Variants in MICU2 observed in about 807,000 individuals in gnomAD.
The protein encoded by MICU2 is calcium uptake protein 2, mitochondrial.
In MICU2, 64 loss-of-function variants were observed where a neutral mutation model predicts 60.4. The observed-to-expected ratio is 1.06, with a 90% CI of 0.87 to 1.31. The LOEUF (loss-of-function observed/expected upper bound fraction) is 1.31, where lower values mean the gene tolerates loss of function less well. MICU2 is among the 50% of genes most tolerant of loss of function. The pLI is 0.00. For missense variants in MICU2, 569 were observed against 531.0 expected, an observed-to-expected ratio of 1.07 and a Z score of -0.70; for synonymous variants, 201 against 175.0, an observed-to-expected ratio of 1.15 and a Z score of -1.17.
intron 2 of MICU2, among the ~76,000 whole-genome samples, chr13:21,549,217 G>C (rs140311133): frequency 2.3e-4 from 35 of 152,152 alleles, no homozygotes; most frequent in East Asian, 5.8e-4. Context: ...GCGTGAGCTA[G>C]CGTGCCCAGC....
intron 8 of MICU2, among the ~76,000 whole-genome samples, chr13:21,504,021 A>G (rs78785658): frequency 2.0e-5 from 3 of 152,266 alleles, no homozygotes; most frequent in Non-Finnish European, 4.4e-5. Flanking sequence ...TAAAAGCATG[A>G]AGGAGGAGTT....
At chr13:21,553,484 G>A (rs1455439273) in intron 2 of MICU2, among the ~76,000 whole-genome samples, 1 of 152,112 alleles carries the variant, frequency 6.6e-6, no homozygotes, top group Non-Finnish European at 1.5e-5. Context: ...TAGGAGTGGT[G>A]AGAGAGGGCA....
intron 9 of MICU2, among the ~76,000 whole-genome samples, chr13:21,498,649 G>T (rs1296719449): frequency 6.6e-6 from 1 of 151,858 alleles, no homozygotes; most frequent in Admixed American, 6.6e-5. Flanking sequence ...AAAGTGCTGG[G>T]ATTACAGGCG....
chr13:21,581,475 T>C (rs1369595866), intron 1 of MICU2, among the ~76,000 whole-genome samples: 4 of 152,224 alleles, frequency 2.6e-5, no homozygotes, highest in African/African-American at 9.6e-5. Context: ...CATAACTCCC[T>C]GAAATCTGTG....
In MICU2 at chr13:21,498,973, C is replaced by T. The variant is rs115604698; in HGVS notation, c.934-2813G>A. On this transcript the variant is annotated intron_variant, in intron 9 of 11. Coordinates refer to ENST00000382374, the MANE Select transcript of MICU2 (RefSeq NM_152726.3). ...TTAATGTTTGAATTTGCATGTCTTA[C>T]GGAGTCTTGCTGTGTTGCCCAGTCT... 3.9e-3 allele frequency among the ~76,000 whole-genome samples: 596 copies of T among 152,276 alleles called. 10 individuals carry two copies. The highest frequency in any genetic ancestry group is 0.013 in the African/African-American group (551 of 41,556).
chr13:21,517,539 G>A (rs893638364), intron 6 of MICU2, among the ~76,000 whole-genome samples: 1 of 152,166 alleles, frequency 6.6e-6, no homozygotes, highest in African/African-American at 2.4e-5. Context: ...ACTTTGGGAG[G>A]CTGACGCGGG....
intron 1 of MICU2, among the ~76,000 whole-genome samples, chr13:21,588,501 A>G (rs113606196): frequency 4.6e-5 from 7 of 152,194 alleles, no homozygotes; most frequent in Non-Finnish European, 7.3e-5. Flanking sequence ...TCTAGCTTCC[A>G]TCTCCCAACA....
intron 1 of MICU2, among the ~76,000 whole-genome samples, chr13:21,578,882 G>C (rs1029896868): frequency 6.6e-6 from 1 of 152,150 alleles, no homozygotes; most frequent in Non-Finnish European, 1.5e-5. Context: ...CTGTACCAAA[G>C]GATACTGCCT....
At chr13:21,590,809 C>T (rs1593359237) in intron 1 of MICU2, among the ~76,000 whole-genome samples, 1 of 152,138 alleles carries the variant, frequency 6.6e-6, no homozygotes, top group African/African-American at 2.4e-5. Context: ...GAGCCAAGAT[C>T]GCGCCACTGC....
rs531587678 is a variant in MICU2, at chr13:21,497,243, T to C, written c.934-1083A>G. 1.2e-4 allele frequency among the ~76,000 whole-genome samples: 18 copies of C among 149,792 alleles called. No individual in the cohort carries two copies. In the South Asian group the frequency reaches 3.8e-3, roughly 32 times the overall value. Reference sequence around the variant, plus strand: ...AGCTGGGTGTGGTGGTGCACACCTGTAGTCCCAGCTATTTGGAAGGCTGAG... The same window carrying C: ...AGCTGGGTGTGGTGGTGCACACCTGCAGTCCCAGCTATTTGGAAGGCTGAG... On this transcript the variant is annotated intron_variant, in intron 9 of 11. Coordinates refer to ENST00000382374, the MANE Select transcript of MICU2 (RefSeq NM_152726.3).
At chr13:21,497,801 G>A (rs1886038942) in intron 9 of MICU2, among the ~76,000 whole-genome samples, 1 of 152,142 alleles carries the variant, frequency 6.6e-6, no homozygotes, top group Non-Finnish European at 1.5e-5. Flanking sequence ...TGTGACCCAG[G>A]CTGGAGTCCA....
At chr13:21,520,897 AT>A (rs1289030047) in intron 6 of MICU2, among the ~76,000 whole-genome samples, 2 of 151,980 alleles carry the variant, frequency 1.3e-5, no homozygotes, top group African/African-American at 2.4e-5. Context: ...CTTTTTGTAT[AT>A]CTTTAATAAT....
chr13:21,596,574 C>T (rs1008224239), intron 1 of MICU2, among the ~76,000 whole-genome samples: 2 of 152,006 alleles, frequency 1.3e-5, no homozygotes, highest in Non-Finnish European at 2.9e-5. Flanking sequence ...CAGGCATGCA[C>T]CACCATGCCT....
At chr13:21,596,340 A>G (rs1454633713) in intron 1 of MICU2, among the ~76,000 whole-genome samples, 1 of 150,738 alleles carries the variant, frequency 6.6e-6, no homozygotes, top group Non-Finnish European at 1.5e-5. Context: ...TTCCCCCCAC[A>G]TTTCCTTATA....
At chr13:21,578,117 T>C (rs1888268305) in intron 1 of MICU2, among the ~76,000 whole-genome samples, 1 of 152,220 alleles carries the variant, frequency 6.6e-6, no homozygotes, top group Admixed American at 6.5e-5. Context: ...AGTAAGTTTT[T>C]ATCAAAGCCG....
intron 11 of MICU2, 34 bp from the exon 12 acceptor site, chr13:21,493,387 G>T (rs779274956): frequency 1.3e-5 from 19 of 1,434,494 alleles, no homozygotes; most frequent in Non-Finnish European, 1.7e-5. Context: ...AGGGGTCATT[G>T]TCTTCAAGGT....
intron 7 of MICU2, among the ~76,000 whole-genome samples, chr13:21,513,604 G>A (rs1041676361): frequency 2.6e-5 from 4 of 151,836 alleles, no homozygotes; most frequent in African/African-American, 9.7e-5. Context: ...GGGTGTGTGG[G>A]TGGCATGTGC....
In MICU2 at chr13:21,530,530, G is replaced by T. The variant is rs548094448; in HGVS notation, c.467-7880C>A. ...GTTGTTCATTCTGAGAACATAAACA[G>T]TCCTCCATCTATGTAAATAACAAAG... On this transcript the variant is annotated intron_variant, in intron 4 of 11. Transcript: ENST00000382374. Among the ~76,000 whole-genome samples the T allele has an allele frequency of 3.3e-5, 5 of 151,916 alleles. No individual in the cohort carries two copies. The South Asian group carries it at 1.0e-3, about 32-fold the overall frequency.
chr13:21,550,484 G>A (rs1887530040), intron 2 of MICU2, among the ~76,000 whole-genome samples: 1 of 152,156 alleles, frequency 6.6e-6, no homozygotes, highest in Admixed American at 6.5e-5. Flanking sequence ...GCTGCAGGGA[G>A]CTATGATCGC....
Sources: gnomAD v4.1 joint callset for allele counts (sites outside exome capture counted in the v4.1 genomes callset) on GRCh38, gnomAD v4.1.1 for gene constraint, MANE v1.5 for transcripts, NCBI Gene and HGNC (gene_info 2026-07-23, HGNC 2026-07-21) for gene names.